TRMT11: variants seen among roughly 807,000 people sequenced by gnomAD.
TRMT11 encodes tRNA (guanine(10)-N(2))-methyltransferase TRMT11.
Under a neutral mutation model 62.8 loss-of-function variants are expected in TRMT11, and 53 were observed. The ratio of observed to expected loss-of-function variants is 0.84; its 90% CI spans 0.68 to 1.06. The LOEUF (loss-of-function observed/expected upper bound fraction) is 1.06. Ranked by LOEUF, TRMT11 falls within the 50% of genes least tolerant of loss-of-function variation. The pLI is 0.00. For synonymous variants in TRMT11, 188 were observed against 190.3 expected (o/e 0.99, Z 0.10); for missense variants, 556 against 553.4 (o/e 1.00, Z -0.05).
chr6:125,995,356 G>A (rs1379593677), intron 2 of TRMT11, among the ~76,000 whole-genome samples: 1 of 152,164 alleles, frequency 6.6e-6, no homozygotes, highest in Admixed American at 6.5e-5. Flanking sequence ...TCTGGCAAGA[G>A]GTTATCTGGC....
intron 17 of TRMT11, among the ~76,000 whole-genome samples, chr6:126,060,291 GT>G (rs1197512973): frequency 6.6e-6 from 1 of 152,200 alleles, no homozygotes; most frequent in Non-Finnish European, 1.5e-5. Flanking sequence ...ATTGAGGATT[GT>G]TTTCTCGTAA....
intron 2 of TRMT11, 48 bp downstream of exon 2, chr6:125,993,870 GC>G (rs1562235647): frequency 8.6e-7 from 1 of 1,166,218 alleles, no homozygotes; most frequent in Admixed American, 1.9e-5. Context: ...TAGAAATAGA[GC>G]CTTGGGTTTG....
At chr6:126,240,338 T>C in the TRMT11 span, among the ~76,000 whole-genome samples, 2 of 152,158 alleles carry the variant, frequency 1.3e-5, no homozygotes, top group Non-Finnish European at 2.9e-5. Flanking sequence ...ATTTTTGTGG[T>C]TTTATCTACC....
At chr6:126,105,431 CA>C (rs1199766695) in intron 17 of TRMT11, among the ~76,000 whole-genome samples, 16 of 152,096 alleles carry the variant, frequency 1.1e-4, no homozygotes, top group Admixed American at 1.0e-3. Context: ...TTCTGGCAGT[CA>C]GAAGGGACGT....
rs115065470 is a variant in TRMT11 at position 126,083,333 on chromosome 6, A to T, written c.*1438-29533A>T. On this transcript the variant is annotated intron_variant and NMD_transcript_variant, in intron 17 of 22. Coordinates refer to the TRMT11 transcript ENST00000648977. ...CCCTGACCCCAATGTACCTAAGCCT[A>T]AGCATTAATATCTTTTGCTCTGGAA... Among the ~76,000 whole-genome samples the T allele has an allele frequency of 7.1e-3, 1,085 of 152,262 alleles. 13 individuals carry two copies. Among genetic ancestry groups the T allele is most frequent in the African/African-American group, 0.025 (1,050 of 41,564 alleles).
the TRMT11 span, among the ~76,000 whole-genome samples, chr6:126,215,287 T>C: frequency 6.6e-6 from 1 of 152,022 alleles, no homozygotes; most frequent in African/African-American, 2.4e-5. Context: ...AAGTGGGGTG[T>C]TGAAGTCTTC....
chr6:126,131,952 A>G (rs1485732925), intron 21 of TRMT11, among the ~76,000 whole-genome samples: 3 of 152,028 alleles, frequency 2.0e-5, no homozygotes. Context: ...GGGCAACTTA[A>G]TGGCATAATG....
At chr6:126,260,447 A>T in the TRMT11 span, among the ~76,000 whole-genome samples, 1 of 152,174 alleles carries the variant, frequency 6.6e-6, no homozygotes, top group Non-Finnish European at 1.5e-5. Flanking sequence ...ATATCAGAGA[A>T]TTGAGAGATT....
At chr6:126,033,083 C>G (rs541647380) in intron 12 of TRMT11, among the ~76,000 whole-genome samples, 4 of 152,088 alleles carry the variant, frequency 2.6e-5, no homozygotes, top group Non-Finnish European at 5.9e-5. Context: ...AATTATAACA[C>G]CTTCCCTTTA....
intron 17 of TRMT11, among the ~76,000 whole-genome samples, chr6:126,109,514 A>G (rs1015381727): frequency 3.3e-5 from 5 of 152,184 alleles, no homozygotes; most frequent in African/African-American, 9.6e-5. Context: ...GATGCACCTC[A>G]TGCTAATTTG....
the TRMT11 span, among the ~76,000 whole-genome samples, chr6:126,258,872 A>C: frequency 6.6e-6 from 1 of 152,184 alleles, no homozygotes; most frequent in Non-Finnish European, 1.5e-5. Flanking sequence ...CAGGTTTGTT[A>C]CATAGATAAA....
chr6:126,259,622 A>T, the TRMT11 span, among the ~76,000 whole-genome samples: 1 of 152,162 alleles, frequency 6.6e-6, no homozygotes. Context: ...AATGATTTCT[A>T]TTCCTTTGGG....
intron 17 of TRMT11, among the ~76,000 whole-genome samples, chr6:126,105,606 T>TA (rs1484931167): frequency 6.6e-6 from 1 of 152,046 alleles, no homozygotes; most frequent in African/African-American, 2.4e-5. Flanking sequence ...TTTTTTTTTT[T>TA]AGCTCTCATG....
At chr6:126,016,549 A>AACTG (rs1400809114) in intron 11 of TRMT11, among the ~76,000 whole-genome samples, 6 of 152,120 alleles carry the variant, frequency 3.9e-5, no homozygotes, top group Non-Finnish European at 1.5e-5. Context: ...AGGTTCTTTA[A>AACTG]ACTGAATGTA....
chr6:126,213,421 T>G, the TRMT11 span, among the ~76,000 whole-genome samples: 7 of 152,190 alleles, frequency 4.6e-5, no homozygotes, highest in Admixed American at 3.9e-4. Context: ...TATCTTTCCT[T>G]TTTTTGGTGT....
At chr6:126,175,015 G>T (rs569001695), upstream of TRMT11, among the ~76,000 whole-genome samples, 3 of 152,170 alleles carry the variant, frequency 2.0e-5, no homozygotes, top group African/African-American at 7.2e-5. Context: ...GTGCAAAGTT[G>T]CTGCAGCTTT....
intron 17 of TRMT11, among the ~76,000 whole-genome samples, chr6:126,106,299 A>T (rs1256190648): frequency 1.3e-5 from 2 of 151,882 alleles, no homozygotes; most frequent in Non-Finnish European, 2.9e-5. Context: ...GCCTGCCACC[A>T]TGCCTGGCTA....
chr6:126,182,666 C>T (rs996250320), intron 1 of TRMT11, among the ~76,000 whole-genome samples: 1 of 152,080 alleles, frequency 6.6e-6, no homozygotes, highest in Non-Finnish European at 1.5e-5. Flanking sequence ...TACTACATTT[C>T]CTCCTGACTT....
intron 12 of TRMT11, among the ~76,000 whole-genome samples, chr6:126,029,251 C>T (rs1050616983): frequency 4.6e-5 from 7 of 152,018 alleles, no homozygotes; most frequent in East Asian, 1.9e-4. Flanking sequence ...ATTTTTAATG[C>T]GTATTTTTTA....
Sources: allele counts gnomAD v4.1 joint callset (sites outside exome capture counted in the v4.1 genomes callset), GRCh38; gene constraint gnomAD v4.1.1; transcripts MANE v1.5; gene names NCBI Gene and HGNC (gene_info 2026-07-23, HGNC 2026-07-21).